The following OGDHL variants were observed in gnomAD, a reference collection of about 807,000 sequenced individuals.
The protein encoded by OGDHL is oxoglutarate dehydrogenase L, also known as 2-oxoglutarate dehydrogenase-like, mitochondrial.
A neutral mutation model predicts 109.6 loss-of-function variants in OGDHL; 79 were observed. The observed-to-expected ratio is 0.72, with a 90% CI of 0.60 to 0.87. The LOEUF (loss-of-function observed/expected upper bound fraction) is 0.87, where lower values mean the gene tolerates loss of function less well. OGDHL is among the 40% of genes least tolerant of loss of function. The pLI is 0.00. For synonymous variants in OGDHL, 528 were observed against 537.2 expected (o/e 0.98, Z 0.24); for missense variants, 1,275 against 1,362.2 (o/e 0.94, Z 1.01).
At chr10:49,739,565 T>C (rs1168539123) in intron 17 of OGDHL, 96 bp downstream of exon 17, 7 of 1,456,864 alleles carry the variant, frequency 4.8e-6, no homozygotes, top group South Asian at 1.3e-5. Context: ...CTGGAAGGCA[T>C]ATACCGTCCA....
chr10:49,743,213 T>C (rs1258168), intron 14 of OGDHL, among the ~76,000 whole-genome samples: 58,426 of 152,234 alleles, frequency 0.38, 13,676 homozygotes, highest in East Asian at 0.87. Flanking sequence ...ATTGGCCACG[T>C]TGCAGACACC....
Position 49,745,808 on chromosome 10 carries a change from AC to A in OGDHL, c.1465del (p.Val489SerfsTer36). On this transcript the variant is annotated frameshift_variant, in exon 11 of 23. Transcript: ENST00000374103. LOFTEE classifies it high-confidence loss of function. ...AGTCCCCAGACCCACCAGGTCCACG[AC>A]AACATCTTTGTTGAAAGTGTTTCTC... ...EWRNTFNKDV[V>X]VDLVCYRRRG... The A allele has an allele frequency of 6.2e-7, 1 of 1,614,066 alleles. No homozygotes were observed. The highest frequency in any genetic ancestry group is 8.5e-7 in the Non-Finnish European group (1 of 1,179,952).
At chr10:49,752,766 G>A in intron 3 of OGDHL, 26 bp from the exon 4 acceptor site, 1 of 1,570,238 alleles carries the variant, frequency 6.4e-7, no homozygotes, top group Non-Finnish European at 8.8e-7. Context: ...AGAGCAGGGT[G>A]GGGCTGGGAC....
In OGDHL at chr10:49,735,400, C is replaced by A. The variant is rs780551795; in HGVS notation, c.2910-49G>T. On this transcript the variant is annotated intron_variant, in intron 22 of 22. Transcript: ENST00000374103. ...GGGGAAGGCGGGGCCTAGCCGCCCC[C>A]CAACCGCTGCCCTCACTCCGGGACT... The A allele has an allele frequency of 3.3e-5, 52 of 1,592,590 alleles. No homozygotes were observed. The Admixed American group carries it at 8.8e-4, about 27-fold the overall frequency.
chr10:49,737,701 G>T, intron 20 of OGDHL, 85 bp downstream of exon 20: 1 of 1,452,646 alleles, frequency 6.9e-7, no homozygotes, highest in Non-Finnish European at 9.6e-7. Flanking sequence ...CAGAGGGGAG[G>T]TTGGAGAAGC....
chr10:49,759,091 C>G (rs550670223), intron 1 of OGDHL, among the ~76,000 whole-genome samples: 23 of 152,082 alleles, frequency 1.5e-4, no homozygotes, highest in Admixed American at 1.4e-3. Context: ...GCAAAAGCAT[C>G]CAGTGAGCAC....
In OGDHL at chr10:49,738,092, A is replaced by G; in HGVS notation, c.2392-20T>C. 6.2e-7 allele frequency: 1 copy of G among 1,614,092 alleles called. No individual in the cohort carries two copies. The highest frequency in any genetic ancestry group is 8.5e-7 in the Non-Finnish European group (1 of 1,179,976). On this transcript the variant is annotated intron_variant, in intron 18 of 22. Transcript: ENST00000374103. ...GAATGCCTGTGGGGACGAGATGCAT[A>G]TGGCCAGGGTGGCTGTCTGCTGCAC...
rs955126935 is a variant in OGDHL at position 49,742,885 on chromosome 10, A to T, written c.1955T>A (p.Leu652Gln). The change falls in exon 15 of 23, where the codon CTG becomes CAG. Residue 652 changes from leucine to glutamine, a missense_variant. Physicochemically the swap from Leu to Gln is moderately radical, Grantham distance 113. Coordinates refer to ENST00000374103, the MANE Select transcript of OGDHL (RefSeq NM_018245.3). ...GAGCCGCACGTGGATGCCTTCCTTCAGCAGGGAGCCAAAGGCCATGTACTC... is the reference window on the plus strand; with the variant it reads ...GAGCCGCACGTGGATGCCTTCCTTCTGCAGGGAGCCAAAGGCCATGTACTC... ...LAEYMAFGSL[L>Q]KEGIHVRLSG... is the part of the protein sequence containing the mutation. The T allele has an allele frequency of 3.1e-6, 5 of 1,614,054 alleles. No individual in the cohort carries two copies. Among genetic ancestry groups the T allele is most frequent in the Non-Finnish European group, 4.2e-6 (5 of 1,179,974 alleles).
Position 49,739,672 on chromosome 10 carries a change from T to C in OGDHL, c.2308A>G (p.Met770Val), listed in dbSNP as rs767366512. The stretch of plus-strand genomic sequence containing the variant: ...ACCGCAGCCCTCACCATGCCTTCCA[T>C]GCCATGGGGCAGCAGCAGCACAATG... ...NGIVLLLPHG[M>V]EGMGPEHSSA... The change falls in exon 17 of 23, where the codon ATG (methionine) becomes GTG (valine). Residue 770 changes from methionine to valine, a missense_variant. Transcript: ENST00000374103. 15 of 1,613,404 alleles carry C rather than the reference T, an allele frequency of 9.3e-6. No homozygotes were observed. Among genetic ancestry groups the C allele is most frequent in the Non-Finnish European group, 1.3e-5 (15 of 1,179,660 alleles).
In OGDHL at chr10:49,746,846, G is replaced by A; in HGVS notation, c.1200C>T (p.Ala400=). The A allele has an allele frequency of 6.2e-7, 1 of 1,614,092 alleles. No individual in the cohort carries two copies. Among genetic ancestry groups the A allele is most frequent in the South Asian group, 1.1e-5 (1 of 91,072 alleles). ...CATATACCACGCCCTGGCCAGCAAAGGCGGCGTCCCCATGAACCAGGATGG... is the reference window on the plus strand; with the variant it reads ...CATATACCACGCCCTGGCCAGCAAAAGCGGCGTCCCCATGAACCAGGATGG... The part of the protein sequence containing the change: ...VMSILVHGDA[A]FAGQGVVYET... Residue 400 remains alanine (A), a synonymous_variant, in exon 10 of 23, where the codon GCC becomes GCT. Coordinates refer to ENST00000374103, the MANE Select transcript of OGDHL (RefSeq NM_018245.3).
chr10:49,761,190 GC>G (rs1843251310), intron 1 of OGDHL, among the ~76,000 whole-genome samples: 2 of 152,210 alleles, frequency 1.3e-5, no homozygotes, highest in African/African-American at 4.8e-5. Context: ...GCAACCCCCT[GC>G]CCAGTCCAGA....
chr10:49,749,655 C>T, intron 8 of OGDHL, 71 bp downstream of exon 8: 1 of 1,337,024 alleles, frequency 7.5e-7, no homozygotes, highest in East Asian at 2.5e-5. Context: ...GCTCCCGGCT[C>T]AGCCCCTCCA....
intron 1 of OGDHL, among the ~76,000 whole-genome samples, chr10:49,761,856 A>C (rs181499621): frequency 1.3e-5 from 2 of 152,266 alleles, no homozygotes; most frequent in Admixed American, 6.5e-5. Context: ...GGGTCCCGCC[A>C]GGTGCACAGC....
chr10:49,737,843 G>GTGTGAAGATAATCAGC lies in OGDHL; in HGVS notation c.2518-1_2532dup (p.Pro845AlafsTer7). ...TCTGGGTGCCTCAGCAGAGATTTAG[G>GTGTGAAGATAATCAGC]TGTGAAGATAATCAGCTGGAAGGGA... On this transcript the variant is annotated frameshift_variant, in exon 20 of 23. Coordinates refer to ENST00000374103, the MANE Select transcript of OGDHL (RefSeq NM_018245.3). LOFTEE classifies it high-confidence loss of function. 1.9e-6 allele frequency: 3 copies of GTGTGAAGATAATCAGC among 1,614,210 alleles called. No individual in the cohort carries two copies.
chr10:49,736,535 G>T lies in OGDHL; in HGVS notation c.2591-15C>A, dbSNP rs199708547. ...GAAGCTGGTCCCTGAGGGACCAACA[G>T]GACATGGCAGAGGCGTTGGTACCCA... On this transcript the variant is annotated splice_polypyrimidine_tract_variant and intron_variant, in intron 20 of 22. Coordinates refer to ENST00000374103, the MANE Select transcript of OGDHL (RefSeq NM_018245.3). 6.2e-7 allele frequency: 1 copy of T among 1,611,418 alleles called. No homozygotes were observed. The highest frequency in any genetic ancestry group is 1.7e-5 in the Admixed American group (1 of 59,906).
chr10:49,736,069 T>G lies in OGDHL; in HGVS notation c.2863A>C (p.Ile955Leu). 1 of 1,610,000 alleles carries G rather than the reference T, an allele frequency of 6.2e-7. No individual in the cohort carries two copies. The highest frequency in any genetic ancestry group is 1.3e-5 in the African/African-American group (1 of 74,956). The change falls in exon 22 of 23, where the codon ATC becomes CTC. Residue 955 changes from isoleucine (I) to leucine (L), a missense_variant. Transcript: ENST00000374103. ...AGGATGGTCATGAAGCGTGGGCTGA[T>G]GTAGTCATAGTAGCCCATGTTCTTG... is the stretch of plus-strand genomic sequence containing the variant. ...EHKNMGYYDY[I>L]SPRFMTILRR...
chr10:49,747,967 C>T (rs1216168666), intron 8 of OGDHL, among the ~76,000 whole-genome samples: 1 of 152,158 alleles, frequency 6.6e-6, no homozygotes, highest in East Asian at 1.9e-4. Flanking sequence ...ACAACAAAAT[C>T]CTCTTTTGAA....
In OGDHL at chr10:49,737,789, A is replaced by G. The variant is rs1841311301; in HGVS notation, c.2587T>C (p.Ser863Pro). 6.2e-7 allele frequency: 1 copy of G among 1,614,154 alleles called. No homozygotes were observed. The highest frequency in any genetic ancestry group is 1.1e-5 in the South Asian group (1 of 91,084). The change falls in exon 20 of 23, where the codon TCC (serine) becomes CCC (proline). Residue 863 changes from serine (S) to proline (P), a missense_variant. Ser to Pro is a moderately conservative substitution (Grantham distance 74, BLOSUM62 -1). Transcript: ENST00000374103. ...CACACCCAGGCCAGGCACGTACCGG[A>G]TACCATTTGGTCAAAGCTGGACTTG... ...EAKSSFDQMV[S>P]GTSFQRVIPE...
intron 22 of OGDHL, 130 bp downstream of exon 22, chr10:49,735,893 G>T: frequency 9.8e-7 from 1 of 1,022,454 alleles, no homozygotes; most frequent in Non-Finnish European, 1.4e-6. Flanking sequence ...CAGTACTGAT[G>T]ATGCCCCATC....
Sources: allele counts gnomAD v4.1 joint callset (sites outside exome capture counted in the v4.1 genomes callset), GRCh38; gene constraint gnomAD v4.1.1; transcripts MANE v1.5; gene names NCBI Gene and HGNC (gene_info 2026-07-23, HGNC 2026-07-21).